Variants in FAT2 observed in about 807,000 individuals in gnomAD.
The protein encoded by FAT2 is protocadherin Fat 2.
A neutral mutation model predicts 295.3 loss-of-function variants in FAT2; 150 were observed. That is an observed-to-expected ratio of 0.51 (90% CI 0.44 to 0.58). The LOEUF (loss-of-function observed/expected upper bound fraction) is 0.58, where lower values mean the gene tolerates loss of function less well. FAT2 is among the 20% of genes least tolerant of loss of function. The pLI is 0.00. For missense variants in FAT2, 4,868 were observed against 5,442.7 expected (o/e 0.89, Z 3.32); for synonymous variants, 2,026 against 2,150.3 (o/e 0.94, Z 1.60).
At position 151,551,525 on chromosome 5, in the gene FAT2, C is replaced by T; in HGVS notation, c.4238G>A (p.Arg1413Lys). ...CTCAACAGTCAAGTTATAGTTCGAC[C>T]TTCTCCTGGTATCAAGAGGCCTGGC... is the stretch of plus-strand genomic sequence containing the variant. ...VIARPLDTRR[R>K]SNYNLTVEVT... The change falls in exon 7 of 24, where the codon AGG becomes AAG. Residue 1413 changes from arginine to lysine, a missense_variant. By Grantham distance (26) the Arg-to-Lys change is conservative. Transcript: ENST00000261800. The T allele has an allele frequency of 6.2e-7, 1 of 1,614,200 alleles. No individual in the cohort carries two copies. The highest frequency in any genetic ancestry group is 8.5e-7 in the Non-Finnish European group (1 of 1,180,034).
At position 151,545,497 on chromosome 5, in the gene FAT2, T is replaced by A. The variant is rs1220238989; in HGVS notation, c.5630A>T (p.Tyr1877Phe). Residue 1877 changes from tyrosine to phenylalanine, a missense_variant, in exon 10 of 24, where the codon TAT becomes TTT. By Grantham distance (22) the Tyr-to-Phe change is conservative. Coordinates refer to ENST00000261800, the MANE Select transcript of FAT2 (RefSeq NM_001447.3). ...DSPPRFSEQI[Y>F]EVAIVGPIHP... Reference sequence around the variant, plus strand: ...GATAGGCCCGACTATTGCTACCTCATATATCTGTTCTGAGAATCTGGGAGG... The same window carrying A: ...GATAGGCCCGACTATTGCTACCTCAAATATCTGTTCTGAGAATCTGGGAGG... 2 of 1,614,188 alleles carry A rather than the reference T, an allele frequency of 1.2e-6. No individual in the cohort carries two copies.
rs2127623719 is a variant in FAT2 at position 151,551,618 on chromosome 5, G to A, written c.4157-12C>T. 1 of 1,613,894 alleles carries A rather than the reference G, an allele frequency of 6.2e-7. No individual in the cohort carries two copies. Among genetic ancestry groups the A allele is most frequent in the Non-Finnish European group, 8.5e-7 (1 of 1,179,872 alleles). ...GTCCTTATCCCCACCTAGAGTGGGA[G>A]TGGGGAGAAAGCACACACAACCTCA... is the stretch of plus-strand genomic sequence containing the variant. On this transcript the variant is annotated splice_polypyrimidine_tract_variant and intron_variant, in intron 6 of 23. Transcript: ENST00000261800.
intron 3 of FAT2, among the ~76,000 whole-genome samples, chr5:151,559,153 G>A (rs1757910783): frequency 6.6e-6 from 1 of 152,246 alleles, no homozygotes; most frequent in South Asian, 2.1e-4. Flanking sequence ...CTGGGCCAGA[G>A]CCTCCAGTCA....
In FAT2 at chr5:151,525,745, C is replaced by T. The variant is rs1457526302; in HGVS notation, c.10506+23G>A. The T allele has an allele frequency of 1.9e-6, 3 of 1,613,892 alleles. No individual in the cohort carries two copies. The South Asian group carries it at 3.3e-5, about 18-fold the overall frequency. On this transcript the variant is annotated intron_variant, in intron 18 of 23. Coordinates refer to ENST00000261800, the MANE Select transcript of FAT2 (RefSeq NM_001447.3). ...TCTTTACTGTCCCCATGGTCACCAC[C>T]AGAAGCCTAGCACAGCTCTCACCTG...
chr5:151,513,628 A>G (rs1303149865), intron 20 of FAT2, among the ~76,000 whole-genome samples: 1 of 152,166 alleles, frequency 6.6e-6, no homozygotes. Context: ...AGGACAAAAA[A>G]CTACCTATCA....
intron 1 of FAT2, among the ~76,000 whole-genome samples, chr5:151,581,729 G>C (rs1405870514): frequency 6.6e-6 from 1 of 152,176 alleles, no homozygotes; most frequent in Non-Finnish European, 1.5e-5. Context: ...GCCAAGCCAG[G>C]ATAAAACTCA....
chr5:151,557,067 G>T (rs188476520), intron 3 of FAT2, among the ~76,000 whole-genome samples: 2 of 152,168 alleles, frequency 1.3e-5, no homozygotes, highest in Non-Finnish European at 2.9e-5. Context: ...GGCCCACCAC[G>T]AGCAGCCTCC....
Position 151,512,071 on chromosome 5 carries a change from A to G in FAT2, c.11905+94T>C, listed in dbSNP as rs980882366. 4.1e-6 allele frequency: 5 copies of G among 1,210,126 alleles called. No individual in the cohort carries two copies. Among genetic ancestry groups the G allele is most frequent in the Non-Finnish European group, 4.6e-6 (4 of 866,022 alleles). 75.0% of individuals were successfully genotyped at this position (1,210,126 alleles called of 1,614,324 possible). A position where few individuals can be genotyped will look rare whatever the true frequency, so the allele number is the denominator to read the frequency against. The stretch of plus-strand genomic sequence containing the variant: ...GGGGAAGAGAGAGAAATTTGGAACC[A>G]GGAGGCTCTGAGATCTCCACCCTGA... On this transcript the variant is annotated intron_variant, in intron 21 of 23. Transcript: ENST00000261800. The surrounding 1 kb of genome is among the most constrained non-coding windows in gnomAD (Gnocchi z 4.1).
intron 19 of FAT2, 84 bp from the exon 20 acceptor site, chr5:151,517,849 G>A: frequency 2.0e-6 from 3 of 1,510,974 alleles, no homozygotes; most frequent in East Asian, 4.5e-5. Context: ...TTTAATCCTT[G>A]GGTGGCAGAC....
intron 15 of FAT2, 96 bp from the exon 16 acceptor site, chr5:151,528,229 C>A: frequency 6.8e-7 from 1 of 1,468,952 alleles, no homozygotes; most frequent in Admixed American, 1.9e-5. Flanking sequence ...CAGTGACTGC[C>A]TTTGGGCTAG....
chr5:151,534,425 G>A lies in FAT2; in HGVS notation c.9411C>T (p.Ala3137=). The A allele has an allele frequency of 6.2e-7, 1 of 1,608,042 alleles. No homozygotes were observed. The highest frequency in any genetic ancestry group is 1.1e-5 in the South Asian group (1 of 90,760). ...TVKTPVAVVF[A]RDPDQGANAQ... ...CAGACTCACCTTGGTCGGGATCCCG[G>A]GCAAATACTACAGCCACAGGGGTCT... is the stretch of plus-strand genomic sequence containing the variant. Residue 3137 remains alanine (A), a synonymous_variant, in exon 13 of 24, where the codon GCC becomes GCT. Transcript: ENST00000261800.
At chr5:151,517,965 C>G (rs148161056) in intron 19 of FAT2, among the ~76,000 whole-genome samples, 200 bp from the exon 20 acceptor site, 1 of 152,304 alleles carries the variant, frequency 6.6e-6, no homozygotes, top group East Asian at 1.9e-4. Flanking sequence ...TTCACCCTAC[C>G]TTTTGTTGAC....
At position 151,553,052 on chromosome 5, in the gene FAT2, C is replaced by A. The variant is rs1757362000; in HGVS notation, c.4156+125G>T. The A allele has an allele frequency of 1.9e-5, 17 of 896,556 alleles. No individual in the cohort carries two copies. In the South Asian group the frequency reaches 2.3e-4, roughly 12 times the overall value. 55.5% of individuals were successfully genotyped at this position (896,556 alleles called of 1,614,324 possible). On this transcript the variant is annotated intron_variant, in intron 6 of 23. Coordinates refer to ENST00000261800, the MANE Select transcript of FAT2 (RefSeq NM_001447.3). ...GGGAAGAGGCAGTCCCCACTCCGGGCTGAAAGAGGGGCTGCCGAGGAGCCC... is the reference window on the plus strand; with the variant it reads ...GGGAAGAGGCAGTCCCCACTCCGGGATGAAAGAGGGGCTGCCGAGGAGCCC...
chr5:151,534,533 G>A lies in FAT2; in HGVS notation c.9303C>T (p.Leu3101=). 6.2e-7 allele frequency: 1 copy of A among 1,614,114 alleles called. No individual in the cohort carries two copies. The change falls in exon 13 of 24, where the codon CTC becomes CTT. Residue 3101 remains leucine (L), a synonymous_variant. Transcript: ENST00000261800. ...CATTGTCATTCACATCCTCCACATG[G>A]AGGGTGATGTCTGCCTGGCACGATC... ...GGRSCQADIT[L]HVEDVNDNAP...
In FAT2 at chr5:151,537,719, G is replaced by T. The variant is rs369195352; in HGVS notation, c.9193+74C>A. Reference sequence around the variant, plus strand: ...TGAATTCCTGTTTCTTCTCCAAGGAGAATACCATGGCACTGGGCACTTGGT... The same window carrying T: ...TGAATTCCTGTTTCTTCTCCAAGGATAATACCATGGCACTGGGCACTTGGT... On this transcript the variant is annotated intron_variant, in intron 12 of 23. Transcript: ENST00000261800. The T allele has an allele frequency of 1.1e-4, 160 of 1,429,266 alleles. 1 individual carries two copies. In the East Asian group the frequency reaches 1.7e-3, roughly 15 times the overall value. The allele number at this position is 1,429,266 out of a possible 1,614,324, so 88.5% of individuals were successfully genotyped here. A position where few individuals can be genotyped will look rare whatever the true frequency, so the allele number is the denominator to read the frequency against.
In FAT2 at chr5:151,565,974, C is replaced by G. The variant is rs1758240173; in HGVS notation, c.2958G>C (p.Glu986Asp). Residue 986 changes from glutamate to aspartate, a missense_variant, in exon 2 of 24, where the codon GAG becomes GAC. Physicochemically the swap from Glu to Asp is conservative, Grantham distance 45 (BLOSUM62 2). This residue lies in a region of FAT2 where 3,297 missense variants were observed against 3,669.4 expected (regional missense o/e 0.90). Transcript: ENST00000261800. ...ACCCAGCTCGCCTCTCAAAGTCCAG[C>G]TCTCTCTCCAGAATGAGCGCCCCTG... ...LMTGALILER[E>D]LDFERRAGYN... 6.2e-7 allele frequency: 1 copy of G among 1,614,100 alleles called. No individual in the cohort carries two copies. The highest frequency in any genetic ancestry group is 1.3e-5 in the African/African-American group (1 of 75,052).
At position 151,545,098 on chromosome 5, in the gene FAT2, T is replaced by A. The variant is rs371908076; in HGVS notation, c.6029A>T (p.Asp2010Val). ...TLSYFLLNGT[D>V]MFHMVQSAGV... The stretch of plus-strand genomic sequence containing the variant: ...TGCTGACTGGACCATATGAAACATA[T>A]CTGTGCCATTCAAGAGAAAGTAGGA... Residue 2010 changes from aspartate (D) to valine (V), a missense_variant, in exon 10 of 24, where the codon GAT becomes GTT. Physicochemically the swap from Asp to Val is radical, Grantham distance 152. Transcript: ENST00000261800. 2 of 1,614,014 alleles carry A rather than the reference T, an allele frequency of 1.2e-6. No homozygotes were observed. Among genetic ancestry groups the A allele is most frequent in the Admixed American group, 3.3e-5 (2 of 60,002 alleles).
intron 3 of FAT2, among the ~76,000 whole-genome samples, chr5:151,558,414 G>C (rs1269316747): frequency 6.6e-6 from 1 of 152,060 alleles, no homozygotes; most frequent in African/African-American, 2.4e-5. Context: ...TAAGGAGTTC[G>C]AGACCAGCCT....
intron 18 of FAT2, among the ~76,000 whole-genome samples, chr5:151,522,617 C>T (rs993421956): frequency 6.6e-6 from 1 of 152,132 alleles, no homozygotes; most frequent in African/African-American, 2.4e-5. Flanking sequence ...AAATAAGTTA[C>T]CAAATAACTT....
Sources: gnomAD v4.1 joint callset for allele counts (sites outside exome capture counted in the v4.1 genomes callset) on GRCh38, gnomAD v4.1.1 for gene constraint, gnomAD v4.1.1 regional missense constraint, Gnocchi (gnomAD v3.1) non-coding constraint, MANE v1.5 for transcripts, NCBI Gene and HGNC (gene_info 2026-07-23, HGNC 2026-07-21) for gene names.